PEAK1: variants seen among roughly 807,000 people sequenced by gnomAD.
PEAK1 encodes the protein inactive tyrosine-protein kinase PEAK1.
Under a neutral mutation model 124.7 loss-of-function variants are expected in PEAK1, and 54 were observed. The observed-to-expected ratio is 0.43, with a 90% CI of 0.35 to 0.54. The LOEUF is 0.54. Among genes scored for constraint, PEAK1 ranks in the 20% least tolerant of loss-of-function variants. The pLI is 0.01. For missense variants in PEAK1, 2,046 were observed against 2,134.5 expected (o/e 0.96, Z 0.82); for synonymous variants, 719 against 760.0 (o/e 0.95, Z 0.89).
intron 5 of PEAK1, among the ~76,000 whole-genome samples, chr15:77,256,116 T>C (rs955139867): frequency 3.4e-4 from 52 of 152,010 alleles, no homozygotes; most frequent in Non-Finnish European, 7.5e-4. Context: ...AATGACTAAA[T>C]TCAGGATAAA....
chr15:77,340,236 T>C lies in PEAK1; in HGVS notation c.-603+24927A>G, dbSNP rs1486031100. The stretch of plus-strand genomic sequence containing the variant: ...TGGAAGCAAACAAGATGTCCTTCAA[T>C]AGGTATGGATAAAGTGTATTAAGTC... On this transcript the variant is annotated intron_variant, in intron 2 of 9. Coordinates refer to ENST00000682557, the MANE Select transcript of PEAK1 (RefSeq NM_001385026.1). Among the ~76,000 whole-genome samples the C allele has an allele frequency of 1.3e-4, 20 of 152,320 alleles. 1 individual carries two copies. The highest frequency in any genetic ancestry group is 1.2e-3 in the Admixed American group (19 of 15,298).
intron 6 of PEAK1, among the ~76,000 whole-genome samples, chr15:77,245,805 A>G (rs1305127095): frequency 1.3e-5 from 2 of 152,128 alleles, no homozygotes; most frequent in Admixed American, 6.5e-5. Flanking sequence ...TTTCTGGACT[A>G]TTTATTCTGT....
chr15:77,361,412 C>A (rs753051111), intron 2 of PEAK1, among the ~76,000 whole-genome samples: 8 of 151,894 alleles, frequency 5.3e-5, no homozygotes, highest in Non-Finnish European at 1.0e-4. Flanking sequence ...TGCACTACAG[C>A]GTAGGTACAG....
chr15:77,130,177 C>G (rs1183602225), intron 9 of PEAK1, among the ~76,000 whole-genome samples: 3 of 152,136 alleles, frequency 2.0e-5, no homozygotes, highest in African/African-American at 7.2e-5. Flanking sequence ...TAAAGTTAGT[C>G]AAGTCCTACT....
chr15:77,261,653 G>T (rs142829444), intron 5 of PEAK1, among the ~76,000 whole-genome samples: 1 of 152,154 alleles, frequency 6.6e-6, no homozygotes, highest in Non-Finnish European at 1.5e-5. Flanking sequence ...TGAAAGTGAC[G>T]GGGAGAATGG....
intron 7 of PEAK1, among the ~76,000 whole-genome samples, chr15:77,171,080 T>C (rs1366969705): frequency 6.6e-6 from 1 of 152,128 alleles, no homozygotes; most frequent in African/African-American, 2.4e-5. Flanking sequence ...ATTTTCAATA[T>C]TAGTGCCAGA....
chr15:77,196,657 G>T (rs2058117840), intron 6 of PEAK1, among the ~76,000 whole-genome samples: 1 of 152,090 alleles, frequency 6.6e-6, no homozygotes, highest in African/African-American at 2.4e-5. Flanking sequence ...ACTAACAAAT[G>T]TTAGTGTTTT....
intron 6 of PEAK1, among the ~76,000 whole-genome samples, chr15:77,191,357 C>A (rs904627574): frequency 6.6e-6 from 1 of 152,144 alleles, no homozygotes; most frequent in African/African-American, 2.4e-5. Flanking sequence ...CTACATCCAG[C>A]GGAGGCCAGG....
At chr15:77,350,276 A>T (rs2067127833) in intron 2 of PEAK1, 1 of 985,310 alleles carries the variant, frequency 1.0e-6, no homozygotes, top group Non-Finnish European at 1.2e-6. Flanking sequence ...TTTCATATGA[A>T]TTAGAAGAAT....
chr15:77,279,095 TCGTGTGTG>T lies in PEAK1; in HGVS notation c.-275+4780_-275+4787del, dbSNP rs915383928. Among the ~76,000 whole-genome samples, 56 of 119,756 alleles carry T rather than the reference TCGTGTGTG, an allele frequency of 4.7e-4. No individual in the cohort carries two copies. The Middle Eastern group carries it at 0.012, about 26-fold the overall frequency. The allele number at this position is 119,756 out of a possible 152,430, so 78.6% of individuals were successfully genotyped here. A position where few individuals can be genotyped will look rare whatever the true frequency, so the allele number is the denominator to read the frequency against. ...CGGCTGCCTCAGCCTCCCAAGGTGC[TCGTGTGTG>T]CGTGTGTGTGTGTGTGTGTGTGTGT... On this transcript the variant is annotated intron_variant, in intron 5 of 9. Coordinates refer to ENST00000682557, the MANE Select transcript of PEAK1 (RefSeq NM_001385026.1).
chr15:77,211,894 A>G (rs1381009063), intron 6 of PEAK1, among the ~76,000 whole-genome samples: 1 of 151,128 alleles, frequency 6.6e-6, no homozygotes, highest in Non-Finnish European at 1.5e-5. Context: ...ATGTTTGATC[A>G]TAATTTATAT....
intron 5 of PEAK1, among the ~76,000 whole-genome samples, chr15:77,281,212 T>A (rs1328594971): frequency 6.6e-6 from 1 of 152,180 alleles, no homozygotes; most frequent in African/African-American, 2.4e-5. Flanking sequence ...ATGTCTATAT[T>A]TGCTGTAAAA....
At chr15:77,388,352 C>A (rs916172644) in intron 1 of PEAK1, among the ~76,000 whole-genome samples, 2 of 152,182 alleles carry the variant, frequency 1.3e-5, no homozygotes, top group African/African-American at 4.8e-5. Flanking sequence ...ATAGATATGA[C>A]ATGCTAACGT....
In PEAK1 at chr15:77,237,789, T is replaced by G. The variant is rs193211148; in HGVS notation, c.-115+14578A>C. On this transcript the variant is annotated intron_variant, in intron 6 of 9. Transcript: ENST00000682557. ...GTGAATTCATATCTATAAAACAATT[T>G]ACCAAGATGATAATGAAATATCTCT... Among the ~76,000 whole-genome samples, 36 of 152,312 alleles carry G rather than the reference T, an allele frequency of 2.4e-4. No individual in the cohort carries two copies. The East Asian group carries it at 6.9e-3, about 29-fold the overall frequency.
intron 6 of PEAK1, among the ~76,000 whole-genome samples, chr15:77,197,464 T>A (rs2058162951): frequency 6.6e-6 from 1 of 152,226 alleles, no homozygotes; most frequent in African/African-American, 2.4e-5. Context: ...TTCTATGCAA[T>A]GATTAAATAA....
At chr15:77,276,754 C>T (rs1438770301) in intron 5 of PEAK1, among the ~76,000 whole-genome samples, 3 of 151,814 alleles carry the variant, frequency 2.0e-5, no homozygotes, top group Non-Finnish European at 4.4e-5. Flanking sequence ...AATTATAATG[C>T]TGTATGATAT....
At chr15:77,293,387 TACTG>T (rs1354410212) in intron 2 of PEAK1, among the ~76,000 whole-genome samples, 1 of 152,258 alleles carries the variant, frequency 6.6e-6, no homozygotes, top group Non-Finnish European at 1.5e-5. Context: ...TTTAGAATCA[TACTG>T]ACACTCATAC....
intron 6 of PEAK1, among the ~76,000 whole-genome samples, chr15:77,193,680 T>C (rs1010311415): frequency 6.6e-6 from 1 of 152,134 alleles, no homozygotes; most frequent in Admixed American, 6.5e-5. Flanking sequence ...GGTGCGCGCT[T>C]GTAATCCCAG....
intron 6 of PEAK1, among the ~76,000 whole-genome samples, chr15:77,200,827 T>C (rs2058326436): frequency 6.6e-6 from 1 of 152,088 alleles, no homozygotes; most frequent in East Asian, 1.9e-4. Flanking sequence ...TCCATTAGGG[T>C]CAAACGTGCT....
Sources: gnomAD v4.1 joint callset for allele counts (sites outside exome capture counted in the v4.1 genomes callset) on GRCh38, gnomAD v4.1.1 for gene constraint, MANE v1.5 for transcripts, NCBI Gene and HGNC (gene_info 2026-07-23, HGNC 2026-07-21) for gene names.